The following USP32 variants were observed in gnomAD, a reference collection of about 807,000 sequenced individuals.
USP32 encodes ubiquitin carboxyl-terminal hydrolase 32.
A neutral mutation model predicts 204.8 loss-of-function variants in USP32; 59 were observed. The observed-to-expected ratio is 0.29, with a 90% CI of 0.23 to 0.36. The LOEUF (loss-of-function observed/expected upper bound fraction) is 0.36, where lower values mean the gene tolerates loss of function less well. USP32 is among the 10% of genes least tolerant of loss of function. The probability of loss-of-function intolerance (pLI) is 1.00; values close to 1 mark genes in which losing one functional copy is unlikely to be tolerated. For synonymous variants in USP32, 517 were observed against 678.4 expected (o/e 0.76, Z 3.70); for missense variants, 1,160 against 1,946.4 (o/e 0.60, Z 7.60).
In USP32 at chr17:60,198,245, A is replaced by T; in HGVS notation, c.3434+15T>A. On this transcript the variant is annotated intron_variant, in intron 27 of 33. Transcript: ENST00000300896. Reference sequence around the variant, plus strand: ...GTTTGGAAACCACAGGTTTAGATGGATCCCCTGAACTCACCAATCCTGGGC... The same window carrying T: ...GTTTGGAAACCACAGGTTTAGATGGTTCCCCTGAACTCACCAATCCTGGGC... The T allele has an allele frequency of 1.9e-6, 3 of 1,611,948 alleles. No homozygotes were observed. The highest frequency in any genetic ancestry group is 2.5e-6 in the Non-Finnish European group (3 of 1,179,326).
intron 2 of USP32, among the ~76,000 whole-genome samples, chr17:60,337,728 C>T (rs1167858157): frequency 5.3e-5 from 8 of 152,018 alleles, no homozygotes; most frequent in Admixed American, 4.6e-4. Flanking sequence ...AATAAATAAA[C>T]TGATTAACTG....
At chr17:60,353,049 T>C (rs1162615669) in intron 1 of USP32, among the ~76,000 whole-genome samples, 2 of 152,240 alleles carry the variant, frequency 1.3e-5, no homozygotes, top group Admixed American at 6.5e-5. Context: ...AATGAATGTA[T>C]GTGTCCTCCC....
chr17:60,242,269 C>T (rs1381128890), intron 11 of USP32, among the ~76,000 whole-genome samples: 1 of 152,062 alleles, frequency 6.6e-6, no homozygotes, highest in Non-Finnish European at 1.5e-5. Flanking sequence ...GGACTACTGG[C>T]CAGCTACACC....
chr17:60,329,065 G>C (rs75084440), intron 2 of USP32, among the ~76,000 whole-genome samples: 3 of 152,116 alleles, frequency 2.0e-5, no homozygotes. Context: ...CACGTTTCTG[G>C]CCAGAAAGGA....
intron 2 of USP32, among the ~76,000 whole-genome samples, chr17:60,309,972 A>C (rs960826474): frequency 6.6e-6 from 1 of 152,012 alleles, no homozygotes; most frequent in Non-Finnish European, 1.5e-5. Context: ...TGAACCTGGG[A>C]GGTGGAGGTT....
At chr17:60,218,978 A>G (rs546785543) in intron 16 of USP32, among the ~76,000 whole-genome samples, 1 of 152,324 alleles carries the variant, frequency 6.6e-6, no homozygotes, top group East Asian at 1.9e-4. Context: ...ATAAAGTTTA[A>G]CCTTACAGAG....
At chr17:60,372,270 T>C (rs1774152951) in intron 1 of USP32, among the ~76,000 whole-genome samples, 1 of 152,216 alleles carries the variant, frequency 6.6e-6, no homozygotes, top group African/African-American at 2.4e-5. Flanking sequence ...CTGGTCAAGC[T>C]ATTAACACTT....
rs11307777 is a variant in USP32 at position 60,282,737 on chromosome 17, TC to T, written c.571+5785del. Among the ~76,000 whole-genome samples the T allele has an allele frequency of 6.6e-3, 1,000 of 152,328 alleles. 9 individuals are homozygous for T. Among genetic ancestry groups the T allele is most frequent in the African/African-American group, 0.023 (944 of 41,576 alleles). Reference sequence around the variant, plus strand: ...ACATGATGATTTATCTTGGTCCTTCTCCCCTTGGTATGGCTTTAGCCTTACA... The same window carrying T: ...ACATGATGATTTATCTTGGTCCTTCTCCCTTGGTATGGCTTTAGCCTTACA... On this transcript the variant is annotated intron_variant, in intron 5 of 33. Transcript: ENST00000300896.
intron 1 of USP32, among the ~76,000 whole-genome samples, chr17:60,403,761 C>T (rs1012986043): frequency 6.6e-6 from 1 of 152,056 alleles, no homozygotes; most frequent in African/African-American, 2.4e-5. Context: ...AAACATGGGC[C>T]GGGAGCAATG....
At chr17:60,298,434 A>C (rs2087493558) in intron 3 of USP32, among the ~76,000 whole-genome samples, 1 of 152,166 alleles carries the variant, frequency 6.6e-6, no homozygotes, top group Admixed American at 6.5e-5. Flanking sequence ...GACACATATA[A>C]CCTATCCACA....
At position 60,392,095 on chromosome 17, in the gene USP32, T is replaced by G; in HGVS notation, c.-156A>C. On this transcript the variant is annotated 5_prime_UTR_variant, in exon 1 of 34. Coordinates refer to ENST00000300896, the MANE Select transcript of USP32 (RefSeq NM_032582.4). ...CAAGTGCGGCTTCTGCCCCGGCGGCTCCTCCCGGTCGCCGCCACCGCCTCC... is the reference window on the plus strand; with the variant it reads ...CAAGTGCGGCTTCTGCCCCGGCGGCGCCTCCCGGTCGCCGCCACCGCCTCC... 1 of 743,152 alleles carries G rather than the reference T, an allele frequency of 1.3e-6. No homozygotes were observed. Among genetic ancestry groups the G allele is most frequent in the Non-Finnish European group, 2.0e-6 (1 of 498,912 alleles). 46.0% of individuals were successfully genotyped at this position (743,152 alleles called of 1,614,324 possible). A position where few individuals can be genotyped will look rare whatever the true frequency, so the allele number is the denominator to read the frequency against.
At position 60,212,005 on chromosome 17, in the gene USP32, A is replaced by T. The variant is rs1358565880; in HGVS notation, c.2179+19T>A. ...TACATTTAAAATAATCTCTTTAAAA[A>T]ATAATACTGGAGACTTACCCTTGTG... On this transcript the variant is annotated intron_variant, in intron 19 of 33. Transcript: ENST00000300896. 3 of 1,528,026 alleles carry T rather than the reference A, an allele frequency of 2.0e-6. No homozygotes were observed. The highest frequency in any genetic ancestry group is 2.7e-6 in the Non-Finnish European group (3 of 1,118,384). The allele number at this position is 1,528,026 out of a possible 1,614,324, so 94.7% of individuals were successfully genotyped here.
At chr17:60,330,537 C>T (rs1223539876) in intron 2 of USP32, among the ~76,000 whole-genome samples, 1 of 147,112 alleles carries the variant, frequency 6.8e-6, no homozygotes. Flanking sequence ...CCTCCTTTCT[C>T]TCTTTCTCTC....
At position 60,277,748 on chromosome 17, in the gene USP32, C is replaced by T. The variant is rs146038055; in HGVS notation, c.572-6267G>A. ...TCCAGATTCTACCATTCAAAGAAAT[C>T]ACTCAGTTAGCAAGCTGAATACATT... On this transcript the variant is annotated intron_variant, in intron 5 of 33. Coordinates refer to ENST00000300896, the MANE Select transcript of USP32 (RefSeq NM_032582.4). Among the ~76,000 whole-genome samples the T allele has an allele frequency of 1.3e-3, 201 of 152,262 alleles. 1 individual carries two copies. Among genetic ancestry groups the T allele is most frequent in the African/African-American group, 4.5e-3 (188 of 41,554 alleles).
chr17:60,401,230 C>CGTG lies in USP32; in HGVS notation c.106+21013_106+21015dup, dbSNP rs567738966. Among the ~76,000 whole-genome samples, 82 of 150,124 alleles carry CGTG rather than the reference C, an allele frequency of 5.5e-4. 1 individual carries two copies. The East Asian group carries it at 0.014, about 25-fold the overall frequency. ...CAGCACTTTGGGGGGCCAAGGTGGGCGTGGTGGTGGGCGCCTGTAGTCCCA... is the reference window on the plus strand; with the variant it reads ...CAGCACTTTGGGGGGCCAAGGTGGGCGTGGTGGTGGTGGGCGCCTGTAGTCCCA... On this transcript the variant is annotated intron_variant, in intron 1 of 3. Coordinates refer to the USP32 transcript ENST00000588898.
intron 1 of USP32, among the ~76,000 whole-genome samples, chr17:60,402,324 C>T (rs1302403714): frequency 6.8e-6 from 1 of 146,172 alleles, no homozygotes; most frequent in African/African-American, 2.6e-5. Flanking sequence ...AATCATGGCT[C>T]ATTGCAGCCT....
intron 5 of USP32, among the ~76,000 whole-genome samples, chr17:60,274,754 G>C (rs1473683039): frequency 6.6e-6 from 1 of 151,888 alleles, no homozygotes; most frequent in Non-Finnish European, 1.5e-5. Flanking sequence ...GACTATTAAA[G>C]GGCATTCTTC....
chr17:60,348,678 G>A (rs2088849364), intron 1 of USP32, among the ~76,000 whole-genome samples: 1 of 152,038 alleles, frequency 6.6e-6, no homozygotes, highest in African/African-American at 2.4e-5. Context: ...TGAGATGGGA[G>A]GATCACTTGA....
rs2086794633 is a variant in USP32, at chr17:60,274,352, A to G, written c.572-2871T>C. 2.6e-5 allele frequency among the ~76,000 whole-genome samples: 4 copies of G among 152,166 alleles called. No individual in the cohort carries two copies. The South Asian group carries it at 8.3e-4, about 31-fold the overall frequency. On this transcript the variant is annotated intron_variant, in intron 5 of 33. Transcript: ENST00000300896. Reference sequence around the variant, plus strand: ...ACATACATACAATTGGGATCCCAGAAAGGGATAGGCAGAAAAATATCTCAA... The same window carrying G: ...ACATACATACAATTGGGATCCCAGAGAGGGATAGGCAGAAAAATATCTCAA...
Sources: gnomAD v4.1 joint callset for allele counts (sites outside exome capture counted in the v4.1 genomes callset) on GRCh38, gnomAD v4.1.1 for gene constraint, MANE v1.5 for transcripts, NCBI Gene and HGNC (gene_info 2026-07-23, HGNC 2026-07-21) for gene names.